The following KCNG2 variants were observed in gnomAD, a reference collection of about 807,000 sequenced individuals.
KCNG2 encodes voltage-gated potassium channel regulatory subunit KCNG2.
A neutral mutation model predicts 12.3 loss-of-function variants in KCNG2; 7 were observed. The observed-to-expected ratio is 0.57, with a 90% CI of 0.32 to 1.07. The LOEUF is 1.07. Among genes scored for constraint, KCNG2 ranks in the 50% least tolerant of loss-of-function variants. The probability of loss-of-function intolerance (pLI) is 0.04; values close to 1 mark genes in which losing one functional copy is unlikely to be tolerated. For synonymous variants in KCNG2, 414 were observed against 351.4 expected (o/e 1.18, Z -1.99); for missense variants, 703 against 726.0 (o/e 0.97, Z 0.36).
intron 1 of KCNG2, among the ~76,000 whole-genome samples, chr18:79,848,482 A>T (rs1465052074): frequency 6.6e-6 from 1 of 152,192 alleles, no homozygotes; most frequent in Admixed American, 6.5e-5. Context: ...CCACGGCCTC[A>T]GTGTCGGCCT....
At chr18:79,809,349 T>C (rs2087473816) in intron 1 of KCNG2, among the ~76,000 whole-genome samples, 1 of 126,226 alleles carries the variant, frequency 7.9e-6, no homozygotes, top group Non-Finnish European at 1.7e-5. Flanking sequence ...GGGGACACAC[T>C]GACCACACTC....
intron 2 of KCNG2, among the ~76,000 whole-genome samples, chr18:79,859,941 C>G (rs1428392185): frequency 2.0e-5 from 3 of 152,160 alleles, no homozygotes; most frequent in Non-Finnish European, 4.4e-5. Context: ...ATACCTGAGA[C>G]TGGGTAATTT....
intron 1 of KCNG2, among the ~76,000 whole-genome samples, chr18:79,805,058 G>A (rs2087438755): frequency 1.3e-5 from 2 of 152,156 alleles, no homozygotes; most frequent in African/African-American, 4.8e-5. Context: ...CTCTGTTTCT[G>A]TGTCCTCCTG....
At chr18:79,888,785 G>A (rs556920926) in intron 3 of KCNG2, among the ~76,000 whole-genome samples, 41 of 151,716 alleles carry the variant, frequency 2.7e-4, no homozygotes, top group African/African-American at 8.5e-4. Context: ...AGCAATTCTC[G>A]TGCCTCGGCC....
At chr18:79,807,425 C>T (rs940602921) in intron 1 of KCNG2, among the ~76,000 whole-genome samples, 1 of 152,218 alleles carries the variant, frequency 6.6e-6, no homozygotes, top group African/African-American at 2.4e-5. Context: ...AGCGCCCTCA[C>T]AAGAGAAGCA....
Position 79,864,069 on chromosome 18 carries a change from C to T in KCNG2, c.402C>T (p.Arg134=). The change falls in exon 3 of 4, where the codon CGC becomes CGT. Residue 134 remains arginine, a synonymous_variant. Coordinates refer to ENST00000316249, the MANE Select transcript of KCNG2 (RefSeq NM_012283.2). ...RRREEEAAEA[R]AGPTERGAQG... is the part of the protein sequence containing the mutation. ...GCGAGGAGGAGGCGGCCGAGGCCCG[C>T]GCGGGGCCGACGGAGCGCGGGGCGC... The T allele has an allele frequency of 3.7e-6, 4 of 1,078,424 alleles. No homozygotes were observed. The highest frequency in any genetic ancestry group is 4.5e-6 in the Non-Finnish European group (4 of 891,298). The allele number at this position is 1,078,424 out of a possible 1,614,324, so 66.8% of individuals were successfully genotyped here.
At chr18:79,824,828 AT>A (rs200774510) in intron 1 of KCNG2, among the ~76,000 whole-genome samples, 1 of 151,410 alleles carries the variant, frequency 6.6e-6, no homozygotes, top group East Asian at 1.9e-4. Flanking sequence ...TTGTCGCAGT[AT>A]TTTTTTTTCT....
intron 3 of KCNG2, among the ~76,000 whole-genome samples, chr18:79,898,046 G>A (rs771805537): frequency 3.3e-5 from 5 of 152,008 alleles, no homozygotes; most frequent in African/African-American, 4.8e-5. Context: ...CTCATTCCCC[G>A]GCACCTTAGC....
intron 1 of KCNG2, among the ~76,000 whole-genome samples, chr18:79,848,628 C>T (rs1172174084): frequency 2.6e-5 from 4 of 152,230 alleles, no homozygotes; most frequent in Non-Finnish European, 4.4e-5. Flanking sequence ...CACACACTTC[C>T]GGGGACGCAG....
At chr18:79,813,901 G>A (rs559577470) in intron 1 of KCNG2, among the ~76,000 whole-genome samples, 8 of 152,224 alleles carry the variant, frequency 5.3e-5, no homozygotes, top group South Asian at 2.1e-4. Flanking sequence ...CTAAATCACC[G>A]GTAAACAAAT....
At chr18:79,845,229 A>G (rs1461546677) in intron 1 of KCNG2, among the ~76,000 whole-genome samples, 2 of 152,248 alleles carry the variant, frequency 1.3e-5, no homozygotes, top group African/African-American at 4.8e-5. Flanking sequence ...TATTATGACG[A>G]TGAAGAACAG....
chr18:79,864,732 A>G (rs1197819898), intron 3 of KCNG2, among the ~76,000 whole-genome samples: 2 of 152,066 alleles, frequency 1.3e-5, no homozygotes, highest in African/African-American at 4.8e-5. Flanking sequence ...TGCCAGGGCC[A>G]GGAAGGCTTC....
chr18:79,853,399 G>T (rs1978894367), intron 1 of KCNG2, among the ~76,000 whole-genome samples: 2 of 152,132 alleles, frequency 1.3e-5, no homozygotes, highest in East Asian at 3.9e-4. Flanking sequence ...AGGCGTCACT[G>T]AGCAGCTGTT....
chr18:79,862,964 A>C (rs556326006), intron 2 of KCNG2, among the ~76,000 whole-genome samples: 1 of 152,316 alleles, frequency 6.6e-6, no homozygotes, highest in Non-Finnish European at 1.5e-5. Context: ...GACAAAGCTT[A>C]TTATTGTGAC....
At chr18:79,821,822 C>T (rs967785121) in intron 1 of KCNG2, among the ~76,000 whole-genome samples, 6 of 152,356 alleles carry the variant, frequency 3.9e-5, no homozygotes, top group East Asian at 1.9e-4. Flanking sequence ...GCATCTTGAT[C>T]GCCATAGCTT....
rs1216973705 is a variant in KCNG2 at position 79,899,526 on chromosome 18, G to T, written c.1111G>T (p.Gly371Cys). 1 of 1,606,684 alleles carries T rather than the reference G, an allele frequency of 6.2e-7. No homozygotes were observed. Among genetic ancestry groups the T allele is most frequent in the Non-Finnish European group, 8.5e-7 (1 of 1,177,446 alleles). The part of the protein sequence containing the change: ...WWAVISMTTV[G>C]YGDMVPRSLP... ...GGCCGTCATCTCCATGACCACCGTGGGCTACGGCGACATGGTCCCGCGCAG... is the reference window on the plus strand; with the variant it reads ...GGCCGTCATCTCCATGACCACCGTGTGCTACGGCGACATGGTCCCGCGCAG... Residue 371 changes from glycine to cysteine, a missense_variant, in exon 4 of 4, where the codon GGC becomes TGC. Transcript: ENST00000316249.
intron 3 of KCNG2, among the ~76,000 whole-genome samples, chr18:79,896,253 AC>A (rs774326602): frequency 2.7e-4 from 41 of 152,134 alleles, no homozygotes; most frequent in South Asian, 1.9e-3. Context: ...GGCATGAGCC[AC>A]CACACCCAGC....
At chr18:79,882,159 G>A (rs1030994775) in intron 3 of KCNG2, among the ~76,000 whole-genome samples, 10 of 152,214 alleles carry the variant, frequency 6.6e-5, no homozygotes, top group Admixed American at 3.9e-4. Context: ...GTTCCCAGAC[G>A]TGGCGTCAGA....
chr18:79,840,012 C>A (rs1464645974), intron 1 of KCNG2, among the ~76,000 whole-genome samples: 1 of 152,198 alleles, frequency 6.6e-6, no homozygotes, highest in African/African-American at 2.4e-5. Context: ...AGCTGACATA[C>A]ACTTAATGGT....
Sources: gnomAD v4.1 joint callset for allele counts (sites outside exome capture counted in the v4.1 genomes callset) on GRCh38, gnomAD v4.1.1 for gene constraint, MANE v1.5 for transcripts, NCBI Gene and HGNC (gene_info 2026-07-23, HGNC 2026-07-21) for gene names.